Variants in KCNIP4 observed in about 807,000 individuals in gnomAD.
KCNIP4 encodes the protein potassium voltage-gated channel interacting protein 4.
In KCNIP4, 12 loss-of-function variants were observed where a neutral mutation model predicts 34.0. The ratio of observed to expected loss-of-function variants is 0.35; its 90% CI spans 0.23 to 0.57. The LOEUF is 0.57. Among genes scored for constraint, KCNIP4 ranks in the 20% least tolerant of loss-of-function variants. KCNIP4 has a pLI of 0.83. For synonymous variants in KCNIP4, 124 were observed against 102.2 expected (o/e 1.21, Z -1.29); for missense variants, 238 against 311.7 (o/e 0.76, Z 1.78).
At chr4:21,429,613 G>C (rs1350425339) in intron 1 of KCNIP4, among the ~76,000 whole-genome samples, 4 of 152,186 alleles carry the variant, frequency 2.6e-5, no homozygotes, top group African/African-American at 9.6e-5. Flanking sequence ...CAGTGAATGA[G>C]AGTTCCTGTT....
intron 3 of KCNIP4, among the ~76,000 whole-genome samples, chr4:20,795,892 G>A (rs1578637384): frequency 6.6e-6 from 1 of 152,156 alleles, no homozygotes; most frequent in South Asian, 2.1e-4. Context: ...ATGGACACAG[G>A]GCTCAACATT....
rs1432960625 is a variant in KCNIP4 at position 21,438,703 on chromosome 4, TA to T, written c.61+509867del. Reference sequence around the variant, plus strand: ...CTTGTAAATAAAATTAATTCAAATTTAAGTTCATTTACATAATCATTTTATT... The same window carrying T: ...CTTGTAAATAAAATTAATTCAAATTTAGTTCATTTACATAATCATTTTATT... On this transcript the variant is annotated intron_variant, in intron 1 of 8. Transcript: ENST00000382152. 6.6e-5 allele frequency among the ~76,000 whole-genome samples: 10 copies of T among 152,210 alleles called. No homozygotes were observed. In the South Asian group the frequency reaches 1.2e-3, roughly 19 times the overall value.
intron 1 of KCNIP4, among the ~76,000 whole-genome samples, chr4:21,736,753 A>G (rs974503702): frequency 1.3e-5 from 2 of 152,120 alleles, no homozygotes; most frequent in Non-Finnish European, 2.9e-5. Flanking sequence ...ATAATTTTAT[A>G]TATTTCTTAT....
chr4:21,123,306 T>C lies in KCNIP4; in HGVS notation c.62-240597A>G, dbSNP rs189085194. 3.3e-5 allele frequency among the ~76,000 whole-genome samples: 5 copies of C among 152,366 alleles called. No homozygotes were observed. The East Asian group carries it at 9.6e-4, about 29-fold the overall frequency. ...TGAATGCCTGTAATGTGACAGGGAC[T>C]GTTCTAGGAACCTGGGAAACATTTC... On this transcript the variant is annotated intron_variant, in intron 1 of 8. Transcript: ENST00000382152.
chr4:21,757,166 A>AAGGAAG (rs1717638570), intron 1 of KCNIP4, among the ~76,000 whole-genome samples: 1 of 46,358 alleles, frequency 2.2e-5, no homozygotes, highest in African/African-American at 1.2e-4. Context: ...AAAGAAAGAA[A>AAGGAAG]GAAGGAAGGA....
At chr4:21,344,357 G>T (rs1262389947) in intron 1 of KCNIP4, among the ~76,000 whole-genome samples, 1 of 152,126 alleles carries the variant, frequency 6.6e-6, no homozygotes, top group Admixed American at 6.6e-5. Flanking sequence ...AGAGGATGAG[G>T]AGTGAAATAA....
chr4:21,924,852 C>T (rs1355010471), intron 1 of KCNIP4, among the ~76,000 whole-genome samples: 3 of 152,090 alleles, frequency 2.0e-5, no homozygotes, highest in African/African-American at 7.2e-5. Flanking sequence ...TACCACTCCT[C>T]CCTGGCCCCC....
intron 1 of KCNIP4, among the ~76,000 whole-genome samples, chr4:21,040,006 C>T (rs1427694867): frequency 2.0e-5 from 3 of 152,084 alleles, no homozygotes; most frequent in African/African-American, 4.8e-5. Context: ...TCTTACATGG[C>T]GGCAGGTGAG....
At chr4:20,932,974 A>C (rs1289628286) in intron 1 of KCNIP4, among the ~76,000 whole-genome samples, 1 of 152,122 alleles carries the variant, frequency 6.6e-6, no homozygotes, top group Non-Finnish European at 1.5e-5. Context: ...GACCAGGCAC[A>C]GTGGCTCACA....
intron 1 of KCNIP4, among the ~76,000 whole-genome samples, chr4:21,449,753 T>G (rs1728359447): frequency 6.6e-6 from 1 of 152,050 alleles, no homozygotes. Flanking sequence ...TTCACTGCTG[T>G]ATCCCTGGTG....
chr4:21,037,737 T>C (rs1367960231), intron 1 of KCNIP4, among the ~76,000 whole-genome samples: 1 of 152,090 alleles, frequency 6.6e-6, no homozygotes, highest in Non-Finnish European at 1.5e-5. Flanking sequence ...AATCAAATCA[T>C]CCTTTGCCAT....
Position 21,455,808 on chromosome 4 carries a change from CATATATATATATATATATATATAT to C in KCNIP4, c.61+492739_61+492762del, listed in dbSNP as rs1171436191. On this transcript the variant is annotated intron_variant, in intron 1 of 8. Coordinates refer to ENST00000382152, the MANE Select transcript of KCNIP4 (RefSeq NM_025221.6). The stretch of plus-strand genomic sequence containing the variant: ...TTAATGTGATAGTCTTACAGATATT[CATATATATATATATATATATATAT>C]ATATATATATATATATATATATATG... 6.1e-4 allele frequency among the ~76,000 whole-genome samples: 44 copies of C among 71,908 alleles called. 1 individual carries two copies. Among genetic ancestry groups the C allele is most frequent in the Middle Eastern group, 7.6e-3 (1 of 132 alleles). 47.2% of individuals were successfully genotyped at this position (71,908 alleles called of 152,430 possible). A position where few individuals can be genotyped will look rare whatever the true frequency, so the allele number is the denominator to read the frequency against.
intron 1 of KCNIP4, among the ~76,000 whole-genome samples, chr4:20,916,986 TATATATATA>T (rs1728884474): frequency 2.5e-5 from 2 of 78,902 alleles, no homozygotes; most frequent in Non-Finnish European, 2.5e-5. Flanking sequence ...ATCTTATGTT[TATATATATA>T]TATATATATA....
At chr4:20,732,580 T>C in intron 7 of KCNIP4, 101 bp downstream of exon 7, 1 of 751,962 alleles carries the variant, frequency 1.3e-6, no homozygotes, top group Admixed American at 2.4e-5. Flanking sequence ...TCAGTAAAAA[T>C]TATTTTCCTT....
chr4:21,133,714 C>T (rs1251517165), intron 1 of KCNIP4, among the ~76,000 whole-genome samples: 1 of 152,156 alleles, frequency 6.6e-6, no homozygotes, highest in Non-Finnish European at 1.5e-5. Context: ...ACAATTTCTT[C>T]TGATTCTGCC....
At chr4:20,817,668 T>C (rs1176336138) in intron 3 of KCNIP4, among the ~76,000 whole-genome samples, 3 of 151,900 alleles carry the variant, frequency 2.0e-5, no homozygotes, top group Non-Finnish European at 4.4e-5. Flanking sequence ...ACAAGCTCTT[T>C]GAGGATCTTT....
intron 1 of KCNIP4, among the ~76,000 whole-genome samples, chr4:21,643,537 AT>A (rs751469570): frequency 1.3e-5 from 2 of 152,150 alleles, no homozygotes; most frequent in Non-Finnish European, 2.9e-5. Context: ...GTATCCAAAT[AT>A]TTGGCCAAAT....
chr4:21,558,776 A>G (rs1739281325), intron 1 of KCNIP4, among the ~76,000 whole-genome samples: 1 of 152,156 alleles, frequency 6.6e-6, no homozygotes, highest in African/African-American at 2.4e-5. Context: ...TTGAAATGTG[A>G]AGCAAAGATT....
chr4:21,653,227 C>T (rs549117214), intron 1 of KCNIP4, among the ~76,000 whole-genome samples: 21 of 152,144 alleles, frequency 1.4e-4, no homozygotes, highest in Admixed American at 1.2e-3. Flanking sequence ...TTGTTAGAAA[C>T]ACAGACCTGG....
Sources: allele counts gnomAD v4.1 joint callset (sites outside exome capture counted in the v4.1 genomes callset), GRCh38; gene constraint gnomAD v4.1.1; transcripts MANE v1.5; gene names NCBI Gene and HGNC (gene_info 2026-07-23, HGNC 2026-07-21).